The following ARHGAP5 variants were observed in gnomAD, a reference collection of about 807,000 sequenced individuals.
ARHGAP5 encodes the protein rho GTPase-activating protein 5.
ARHGAP5 carries 23 observed loss-of-function variants against 116.6 expected under a neutral mutation model. The observed-to-expected ratio is 0.20, with a 90% CI of 0.14 to 0.28. The LOEUF (loss-of-function observed/expected upper bound fraction) is 0.28. Ranked by LOEUF, ARHGAP5 falls within the 10% of genes least tolerant of loss-of-function variation. The pLI, the probability that ARHGAP5 is intolerant of heterozygous loss-of-function variation, is 1.00. For missense variants in ARHGAP5, 1,405 were observed against 1,774.8 expected (o/e 0.79, Z 3.74); for synonymous variants, 574 against 602.0 (o/e 0.95, Z 0.68).
In ARHGAP5 at chr14:32,091,670, G is replaced by T; in HGVS notation, c.1001G>T (p.Arg334Met). The stretch of plus-strand genomic sequence containing the variant: ...CTTAAACAGGAACATATAAGAAAAA[G>T]GAGAGAAGAGTATATAAATACTTTA... Reference protein sequence around the residue: ...EQLKQEHIRKRREEYINTLPR... With the variant: ...EQLKQEHIRKMREEYINTLPR... Residue 334 changes from arginine (R) to methionine (M), a missense_variant, in exon 2 of 7, where the codon AGG (arginine) becomes ATG (methionine). By Grantham distance (91) the Arg-to-Met change is moderately conservative (BLOSUM62 -1). This residue lies in a region of ARHGAP5 where 944 missense variants were observed against 1,095.3 expected (regional missense o/e 0.86). Transcript: ENST00000345122. The T allele has an allele frequency of 6.2e-7, 1 of 1,609,366 alleles. No homozygotes were observed. The highest frequency in any genetic ancestry group is 1.1e-5 in the South Asian group (1 of 89,818).
Position 32,154,880 on chromosome 14 carries a change from T to A in ARHGAP5, c.4441T>A (p.Leu1481Met). 1 of 1,614,054 alleles carries A rather than the reference T, an allele frequency of 6.2e-7. No homozygotes were observed. The highest frequency in any genetic ancestry group is 8.5e-7 in the Non-Finnish European group (1 of 1,179,954). ...QLVEPMVPLQ[L>M]PPPLQPQLIQ... is the part of the protein sequence containing the mutation. ...GGTGGAACCAATGGTGCCACTTCAG[T>A]TGCCGCCACCATTGCAACCTCAGCT... Residue 1481 changes from leucine (L) to methionine (M), a missense_variant, in exon 7 of 7, where the codon TTG becomes ATG. This residue lies in a region of ARHGAP5 where 85 missense variants were observed against 96.6 expected (regional missense o/e 0.88). Transcript: ENST00000345122.
At chr14:32,140,087 G>GT (rs1881028802) in intron 3 of ARHGAP5, among the ~76,000 whole-genome samples, 230 of 29,774 alleles carry the variant, frequency 7.7e-3, no homozygotes, top group Non-Finnish European at 0.011. Flanking sequence ...TTTTTTTTAG[G>GT]TTATTTGTTC....
Position 32,092,591 on chromosome 14 carries a change from C to T in ARHGAP5, c.1922C>T (p.Ser641Leu). 5.6e-6 allele frequency: 9 copies of T among 1,613,550 alleles called. No individual in the cohort carries two copies. Among genetic ancestry groups the T allele is most frequent in the South Asian group, 2.2e-5 (2 of 90,926 alleles). ...GATCTTCGGCCGGTTGATGCCAAAT[C>T]GCCTTACTTTTTGAGTCAGTTATGG... ...ELDLRPVDAKSPYFLSQLWTA... is the reference protein window; with the variant it reads ...ELDLRPVDAKLPYFLSQLWTA... The change falls in exon 2 of 7, where the codon TCG becomes TTG. Residue 641 changes from serine (S) to leucine (L), a missense_variant. Ser to Leu is a moderately radical substitution (Grantham distance 145, BLOSUM62 -2). Coordinates refer to ENST00000345122, the MANE Select transcript of ARHGAP5 (RefSeq NM_001030055.2). This position sits in a 1 kb window ranked among gnomAD's most constrained non-coding sequence, Gnocchi z 4.1.
intron 1 of ARHGAP5, among the ~76,000 whole-genome samples, chr14:32,080,302 TTTAAC>T (rs1427122289): frequency 6.6e-6 from 1 of 150,476 alleles, no homozygotes; most frequent in African/African-American, 2.4e-5. Flanking sequence ...TATAAGAATA[TTTAAC>T]TTAATTAAAT....
At chr14:32,129,201 A>G (rs975616034) in intron 3 of ARHGAP5, among the ~76,000 whole-genome samples, 1 of 152,224 alleles carries the variant, frequency 6.6e-6, no homozygotes, top group Non-Finnish European at 1.5e-5. Flanking sequence ...TTCTCTTATA[A>G]GTAAATAATA....
At position 32,077,364 on chromosome 14, in the gene ARHGAP5, G is replaced by C; in HGVS notation, c.-240G>C. 1 of 668,584 alleles carries C rather than the reference G, an allele frequency of 1.5e-6. No individual in the cohort carries two copies. The highest frequency in any genetic ancestry group is 2.0e-5 in the Admixed American group (1 of 48,934). 41.4% of individuals were successfully genotyped at this position (668,584 alleles called of 1,614,324 possible). A position where few individuals can be genotyped will look rare whatever the true frequency, so the allele number is the denominator to read the frequency against. On this transcript the variant is annotated 5_prime_UTR_variant, in exon 1 of 7. Transcript: ENST00000345122. ...CGGCGGCGGCGGGAGCGGTCCCCAG[G>C]AATGTCGCTGCCGCCGCCACCGCCG...
intron 3 of ARHGAP5, among the ~76,000 whole-genome samples, chr14:32,133,996 A>G (rs1880652589): frequency 6.6e-6 from 1 of 152,142 alleles, no homozygotes; most frequent in African/African-American, 2.4e-5. Context: ...TCCCGATACC[A>G]AAGCCTGGCA....
intron 2 of ARHGAP5, among the ~76,000 whole-genome samples, chr14:32,112,006 G>T (rs1030862263): frequency 1.3e-5 from 2 of 151,718 alleles, no homozygotes; most frequent in Non-Finnish European, 2.9e-5. Flanking sequence ...TTTAGTAGAG[G>T]TGGTGTTTCA....
intron 1 of ARHGAP5, among the ~76,000 whole-genome samples, chr14:32,079,961 A>G (rs1040676627): frequency 2.6e-5 from 4 of 152,198 alleles, no homozygotes; most frequent in Admixed American, 6.5e-5. Flanking sequence ...CTTGTATTAT[A>G]TATTTAAAGT....
At position 32,092,875 on chromosome 14, in the gene ARHGAP5, A is replaced by G; in HGVS notation, c.2206A>G (p.Thr736Ala). ...QCPFVDVPAG[T>A]YPRKFNETQI... ...TCCTTTTGTAGATGTACCTGCTGGT[A>G]CATATCCTCGTAAATTTAATGAAAC... The change falls in exon 2 of 7, where the codon ACA becomes GCA. Residue 736 changes from threonine to alanine, a missense_variant. Around this residue, in one of 6 missense-constraint regions of ARHGAP5, gnomAD observed 944 missense variants for 1,095.3 expected, o/e 0.86. Transcript: ENST00000345122. This position sits in a 1 kb window ranked among gnomAD's most constrained non-coding sequence, Gnocchi z 4.1. 1 of 1,614,040 alleles carries G rather than the reference A, an allele frequency of 6.2e-7. No individual in the cohort carries two copies. Among genetic ancestry groups the G allele is most frequent in the South Asian group, 1.1e-5 (1 of 91,078 alleles).
At chr14:32,128,693 C>A (rs1880324232) in intron 3 of ARHGAP5, among the ~76,000 whole-genome samples, 1 of 152,258 alleles carries the variant, frequency 6.6e-6, no homozygotes, top group South Asian at 2.1e-4. Context: ...ATATTAAACC[C>A]CCTTGCATTC....
intron 4 of ARHGAP5, among the ~76,000 whole-genome samples, chr14:32,149,230 G>A (rs188773450): frequency 5.9e-4 from 88 of 150,066 alleles, no homozygotes; most frequent in African/African-American, 2.1e-3. Context: ...TGCCCAGGCT[G>A]GACTTAAACT....
rs1313456716 is a variant in ARHGAP5, at chr14:32,093,571, T to A, written c.2902T>A (p.Ser968Thr). 6.2e-7 allele frequency: 1 copy of A among 1,613,982 alleles called. No individual in the cohort carries two copies. Among genetic ancestry groups the A allele is most frequent in the South Asian group, 1.1e-5 (1 of 91,060 alleles). ...THQSEDVFLP[S>T]PRDCFPYNNY... is the part of the protein sequence containing the mutation. ...TCAAAGTGAAGATGTTTTTCTACCA[T>A]CTCCCAGAGACTGTTTTCCCTATAA... The change falls in exon 2 of 7, where the codon TCT becomes ACT. Residue 968 changes from serine (S) to threonine (T), a missense_variant. By Grantham distance (58) the Ser-to-Thr change is moderately conservative. Transcript: ENST00000345122.
chr14:32,083,696 G>T (rs1374349499), intron 1 of ARHGAP5, among the ~76,000 whole-genome samples: 2 of 151,904 alleles, frequency 1.3e-5, no homozygotes, highest in African/African-American at 2.4e-5. Flanking sequence ...ATTCAATCAG[G>T]TGCTCTCATT....
intron 2 of ARHGAP5, among the ~76,000 whole-genome samples, chr14:32,114,917 T>G (rs1048903341): frequency 5.9e-5 from 9 of 152,172 alleles, no homozygotes; most frequent in African/African-American, 9.7e-5. Flanking sequence ...TTTTTCTGAT[T>G]AAAAATGATA....
At chr14:32,082,059 G>C (rs1004120837) in intron 1 of ARHGAP5, among the ~76,000 whole-genome samples, 3 of 152,164 alleles carry the variant, frequency 2.0e-5, no homozygotes, top group Non-Finnish European at 4.4e-5. Context: ...TTGATCCTCT[G>C]AGAATCTATC....
intron 2 of ARHGAP5, among the ~76,000 whole-genome samples, chr14:32,108,584 G>A (rs1566668443): frequency 6.6e-6 from 1 of 151,988 alleles, no homozygotes; most frequent in Non-Finnish European, 1.5e-5. Context: ...GTGATTTCAG[G>A]CCATTAGGAA....
chr14:32,132,800 A>C lies in ARHGAP5; in HGVS notation c.3866-13463A>C, dbSNP rs1380814167. Among the ~76,000 whole-genome samples the C allele has an allele frequency of 3.9e-5, 6 of 152,306 alleles. No individual in the cohort carries two copies. In the East Asian group the frequency reaches 9.7e-4, roughly 25 times the overall value. Reference sequence around the variant, plus strand: ...AAGGGATCCAGTTTCAGCTTTGTACATATGGCTAGCCAGTTTTCCCAGCAC... The same window carrying C: ...AAGGGATCCAGTTTCAGCTTTGTACCTATGGCTAGCCAGTTTTCCCAGCAC... On this transcript the variant is annotated intron_variant, in intron 3 of 6. Coordinates refer to ENST00000345122, the MANE Select transcript of ARHGAP5 (RefSeq NM_001030055.2).
At position 32,157,581 on chromosome 14, in the gene ARHGAP5, C is replaced by G. The variant is rs1881947443; in HGVS notation, c.*2633C>G. On this transcript the variant is annotated 3_prime_UTR_variant, in exon 7 of 7. Transcript: ENST00000345122. Reference sequence around the variant, plus strand: ...ATAGTGGTACTCTGTTTCACACTTTCAGTAGATTTATTAGAAGTCAAATTC... The same window carrying G: ...ATAGTGGTACTCTGTTTCACACTTTGAGTAGATTTATTAGAAGTCAAATTC... 6.6e-6 allele frequency: 1 copy of G among 152,202 alleles called. No individual in the cohort carries two copies. Among genetic ancestry groups the G allele is most frequent in the Non-Finnish European group, 1.5e-5 (1 of 67,724 alleles). The allele number at this position is 152,202 out of a possible 1,614,324, so 9.4% of individuals were successfully genotyped here.
Sources: allele counts gnomAD v4.1 joint callset (sites outside exome capture counted in the v4.1 genomes callset), GRCh38; gene constraint gnomAD v4.1.1; regional missense constraint gnomAD v4.1.1; non-coding constraint Gnocchi (gnomAD v3.1); transcripts MANE v1.5; gene names NCBI Gene and HGNC (gene_info 2026-07-23, HGNC 2026-07-21).